USH2A: variants seen among roughly 807,000 people sequenced by gnomAD.
USH2A encodes the protein Usher syndrome 2A (autosomal recessive, mild).
Under a neutral mutation model 538.9 loss-of-function variants are expected in USH2A, and 443 were observed. The observed-to-expected ratio is 0.82, with a 90% CI of 0.76 to 0.89. USH2A has a LOEUF of 0.89. USH2A is among the 40% of genes least tolerant of loss of function. USH2A has a pLI of 0.00. For missense variants in USH2A, 6,633 were observed against 6,324.8 expected, an observed-to-expected ratio of 1.05 and a Z score of -1.65; for synonymous variants, 2,413 against 2,273.5, an observed-to-expected ratio of 1.06 and a Z score of -1.75.
intron 3 of USH2A, among the ~76,000 whole-genome samples, chr1:216,409,536 T>C (rs1011859585): frequency 6.6e-6 from 1 of 151,752 alleles, no homozygotes; most frequent in Non-Finnish European, 1.5e-5. Flanking sequence ...AACAGACACA[T>C]AGACCGAAGA....
At position 215,888,929 on chromosome 1, in the gene USH2A, G is replaced by T; in HGVS notation, c.7720C>A (p.Leu2574Ile). 1 of 1,614,164 alleles carries T rather than the reference G, an allele frequency of 6.2e-7. No individual in the cohort carries two copies. Among genetic ancestry groups the T allele is most frequent in the Non-Finnish European group, 8.5e-7 (1 of 1,180,016 alleles). The change falls in exon 41 of 72, where the codon CTA (leucine) becomes ATA (isoleucine). Residue 2574 changes from leucine to isoleucine, a missense_variant. By Grantham distance (5) the Leu-to-Ile change is conservative. Transcript: ENST00000307340. Reference protein sequence around the residue: ...THYNIYLHGRLYLRTPGNVTN... With the variant: ...THYNIYLHGRIYLRTPGNVTN... ...ACATTTCCAGGAGTTCTCAAGTATA[G>T]ACGGCCATGTAGATAAATGTTATAA...
intron 35 of USH2A, among the ~76,000 whole-genome samples, 190 bp from the exon 36 acceptor site, chr1:215,970,966 T>G (rs1346330825): frequency 6.6e-6 from 1 of 151,816 alleles, no homozygotes; most frequent in Non-Finnish European, 1.5e-5. Context: ...AATATCAAAC[T>G]GTAAACCTAA....
At chr1:215,856,800 G>A (rs1452883377) in intron 44 of USH2A, among the ~76,000 whole-genome samples, 6 of 151,244 alleles carry the variant, frequency 4.0e-5, no homozygotes, top group East Asian at 1.9e-4. Flanking sequence ...CAGCCCAAAC[G>A]CCCATCAATC....
chr1:215,998,192 A>C (rs540609406), intron 34 of USH2A, among the ~76,000 whole-genome samples: 3 of 152,114 alleles, frequency 2.0e-5, no homozygotes, highest in African/African-American at 7.2e-5. Context: ...TCTCATGTTT[A>C]TATTCAGTTA....
intron 44 of USH2A, among the ~76,000 whole-genome samples, chr1:215,847,461 G>A (rs1228712787): frequency 1.3e-5 from 2 of 151,788 alleles, no homozygotes; most frequent in African/African-American, 2.4e-5. Flanking sequence ...CCTGGGAAAC[G>A]TGGCAATACC....
intron 32 of USH2A, among the ~76,000 whole-genome samples, chr1:216,035,057 A>G (rs1312823461): frequency 6.6e-6 from 1 of 152,180 alleles, no homozygotes; most frequent in South Asian, 2.1e-4. Flanking sequence ...CATGGGCCAT[A>G]TCCATCTTAA....
chr1:215,645,498 C>A (rs1558035703), intron 67 of USH2A, among the ~76,000 whole-genome samples: 1 of 152,156 alleles, frequency 6.6e-6, no homozygotes, highest in Non-Finnish European at 1.5e-5. Context: ...AGTTCTGCCT[C>A]AGTTTTTTCA....
intron 11 of USH2A, among the ~76,000 whole-genome samples, chr1:216,268,538 T>G (rs1196863685): frequency 1.3e-5 from 2 of 152,114 alleles, no homozygotes; most frequent in Non-Finnish European, 2.9e-5. Context: ...ATCAAGTGAT[T>G]GATAGTCAAA....
At chr1:215,763,014 A>G (rs1392987251) in intron 56 of USH2A, among the ~76,000 whole-genome samples, 1 of 152,178 alleles carries the variant, frequency 6.6e-6, no homozygotes, top group Non-Finnish European at 1.5e-5. Context: ...CAAAATTCCC[A>G]GCATTTATTG....
intron 21 of USH2A, among the ~76,000 whole-genome samples, chr1:216,168,291 T>C (rs1490187972): frequency 1.3e-5 from 2 of 152,068 alleles, no homozygotes; most frequent in East Asian, 3.9e-4. Context: ...TTTTAAGCAA[T>C]GAAGTCTTTG....
intron 21 of USH2A, among the ~76,000 whole-genome samples, chr1:216,161,073 T>G (rs1232704587): frequency 6.6e-6 from 1 of 152,132 alleles, no homozygotes; most frequent in Non-Finnish European, 1.5e-5. Context: ...TTTTCGAATT[T>G]TGTCTTTATA....
chr1:215,677,310 G>A (rs1024274847), intron 62 of USH2A, among the ~76,000 whole-genome samples: 12 of 151,940 alleles, frequency 7.9e-5, no homozygotes, highest in African/African-American at 1.9e-4. Context: ...TATCTCCTAC[G>A]TCACCAGTTT....
intron 47 of USH2A, 105 bp downstream of exon 47, chr1:215,837,886 T>TAACCC: frequency 1.1e-6 from 1 of 922,566 alleles, no homozygotes; most frequent in Non-Finnish European, 1.8e-6. Context: ...ATACTTATAA[T>TAACCC]AACCCATTAA....
At chr1:216,011,154 A>G (rs1310731602) in intron 32 of USH2A, among the ~76,000 whole-genome samples, 1 of 152,178 alleles carries the variant, frequency 6.6e-6, no homozygotes, top group African/African-American at 2.4e-5. Context: ...CTTATCAACC[A>G]AATTGTTTTG....
intron 61 of USH2A, among the ~76,000 whole-genome samples, chr1:215,708,655 G>C (rs1045340215): frequency 6.6e-6 from 1 of 152,148 alleles, no homozygotes; most frequent in African/African-American, 2.4e-5. Context: ...GTTCATAATA[G>C]GGTTTGCTAT....
chr1:215,670,936 A>G (rs756881314), intron 64 of USH2A, 36 bp downstream of exon 64: 2 of 1,607,638 alleles, frequency 1.2e-6, no homozygotes, highest in Non-Finnish European at 1.7e-6. Context: ...GGGTGCAAAC[A>G]ATCAGCTCGA....
At chr1:216,359,112 A>C (rs930520007) in intron 4 of USH2A, among the ~76,000 whole-genome samples, 1 of 152,180 alleles carries the variant, frequency 6.6e-6, no homozygotes, top group Non-Finnish European at 1.5e-5. Flanking sequence ...TAATTACTCA[A>C]ACCAAGTTCC....
intron 56 of USH2A, among the ~76,000 whole-genome samples, chr1:215,766,234 C>A (rs1661123408): frequency 6.6e-6 from 1 of 152,076 alleles, no homozygotes; most frequent in Admixed American, 6.6e-5. Flanking sequence ...CTCTTCAGGC[C>A]AACCTTAGCA....
At chr1:215,846,172 T>C (rs923257155) in intron 44 of USH2A, 139 bp from the exon 45 acceptor site, 5 of 778,742 alleles carry the variant, frequency 6.4e-6, no homozygotes, top group Admixed American at 2.5e-5. Flanking sequence ...AAAAAGCTTA[T>C]GAGATCTCCT....
Sources: gnomAD v4.1 joint callset for allele counts (sites outside exome capture counted in the v4.1 genomes callset) on GRCh38, gnomAD v4.1.1 for gene constraint, MANE v1.5 for transcripts, NCBI Gene and HGNC (gene_info 2026-07-23, HGNC 2026-07-21) for gene names.